The following KAZN variants were observed in gnomAD, a reference collection of about 807,000 sequenced individuals.
The protein encoded by KAZN is kazrin, periplakin interacting protein.
In KAZN, 40 loss-of-function variants were observed where a neutral mutation model predicts 87.4. The observed-to-expected ratio is 0.46, with a 90% CI of 0.36 to 0.60. The LOEUF (loss-of-function observed/expected upper bound fraction) is 0.60. Among genes scored for constraint, KAZN ranks in the 20% least tolerant of loss-of-function variants. The pLI, the probability that KAZN is intolerant of heterozygous loss-of-function variation, is 0.00. For synonymous variants in KAZN, 466 were observed against 458.3 expected (o/e 1.02, Z -0.22); for missense variants, 898 against 1,073.9 (o/e 0.84, Z 2.29).
Position 14,361,901 on chromosome 1 carries a change from G to A in KAZN, c.249+181309G>A, listed in dbSNP as rs376301331. 1.8e-3 allele frequency among the ~76,000 whole-genome samples: 269 copies of A among 152,304 alleles called. 1 individual carries two copies. Among genetic ancestry groups the A allele is most frequent in the Middle Eastern group, 6.8e-3 (2 of 294 alleles). On this transcript the variant is annotated intron_variant, in intron 2 of 16. Transcript: ENST00000636203. ...AGACCCACTGCCATAAGAGCACCTC[G>A]TAGGGTGAAGAAAGGCTTTTTTGAG...
At chr1:14,700,582 T>G (rs1641867270) in intron 1 of KAZN, among the ~76,000 whole-genome samples, 2 of 152,266 alleles carry the variant, frequency 1.3e-5, no homozygotes, top group South Asian at 4.1e-4. Flanking sequence ...ATCAACTGTT[T>G]CCACAGGGAG....
intron 2 of KAZN, among the ~76,000 whole-genome samples, chr1:14,429,035 A>T (rs577088245): frequency 1.3e-5 from 2 of 152,170 alleles, no homozygotes; most frequent in African/African-American, 4.8e-5. Context: ...TTCAGAAAAT[A>T]TCTAAATATC....
chr1:14,856,568 C>T lies in KAZN; in HGVS notation c.227-104116C>T, dbSNP rs143006395. ...GAACACTATGTTCATTAGTATAAAA[C>T]ATTCCATATTTTATTTCTATTTTGG... On this transcript the variant is annotated intron_variant, in intron 1 of 14. Transcript: ENST00000376030. This position sits in a 1 kb window ranked among gnomAD's most constrained non-coding sequence, Gnocchi z 5.2. 1.3e-5 allele frequency among the ~76,000 whole-genome samples: 2 copies of T among 152,176 alleles called. No individual in the cohort carries two copies. Among genetic ancestry groups the T allele is most frequent in the African/African-American group, 4.8e-5 (2 of 41,426 alleles).
At chr1:13,956,277 A>G (rs1157198529) in intron 1 of KAZN, among the ~76,000 whole-genome samples, 11 of 149,922 alleles carry the variant, frequency 7.3e-5, no homozygotes. Context: ...GGATGTCTGT[A>G]GATGTTACTA....
At chr1:15,057,827 C>T (rs1012194162) in intron 5 of KAZN, among the ~76,000 whole-genome samples, 7 of 152,226 alleles carry the variant, frequency 4.6e-5, no homozygotes, top group Non-Finnish European at 1.0e-4. Flanking sequence ...TGAAGGCAGA[C>T]AGGGCTTGGG....
intron 2 of KAZN, among the ~76,000 whole-genome samples, chr1:14,419,395 T>G (rs921934714): frequency 6.6e-6 from 1 of 152,032 alleles, no homozygotes; most frequent in Non-Finnish European, 1.5e-5. Flanking sequence ...GAAGCCACCA[T>G]CCCTCCCAGC....
chr1:14,877,769 A>G (rs1652929965), intron 1 of KAZN, among the ~76,000 whole-genome samples: 1 of 152,178 alleles, frequency 6.6e-6, no homozygotes, highest in Non-Finnish European at 1.5e-5. Flanking sequence ...TCTGCTTAGA[A>G]CGGTACAGTG....
chr1:14,206,118 T>A (rs476430), intron 2 of KAZN, among the ~76,000 whole-genome samples: 70,877 of 151,828 alleles, frequency 0.47, 17,852 homozygotes, highest in Non-Finnish European at 0.57. Flanking sequence ...TCAAGGGAAT[T>A]ATTACAGAAT....
chr1:14,391,058 G>A (rs192901970), intron 2 of KAZN, among the ~76,000 whole-genome samples: 1 of 152,194 alleles, frequency 6.6e-6, no homozygotes, highest in African/African-American at 2.4e-5. Context: ...TGTTAACAGA[G>A]CCACTCTGGC....
chr1:13,999,430 A>C (rs1244643579), intron 1 of KAZN, among the ~76,000 whole-genome samples: 4 of 152,248 alleles, frequency 2.6e-5, no homozygotes, highest in Non-Finnish European at 5.9e-5. Context: ...TTTCATGGAA[A>C]TTGAACAACT....
chr1:14,598,576 C>T (rs1676667761), upstream of KAZN: 5 of 802,852 alleles, frequency 6.2e-6, no homozygotes, highest in Non-Finnish European at 7.7e-6. The surrounding 1 kb of genome is among the most constrained non-coding windows in gnomAD (Gnocchi z 4.2). Flanking sequence ...CTCCGAAGTA[C>T]GGGGGCGCGG....
intron 1 of KAZN, among the ~76,000 whole-genome samples, chr1:14,694,026 G>A (rs1168169476): frequency 6.6e-6 from 1 of 152,172 alleles, no homozygotes; most frequent in Admixed American, 6.5e-5. Context: ...GAAGGAGATG[G>A]GTTATTAATC....
At chr1:14,460,649 C>A (rs1463038162) in intron 2 of KAZN, among the ~76,000 whole-genome samples, 1 of 152,120 alleles carries the variant, frequency 6.6e-6, no homozygotes, top group Non-Finnish European at 1.5e-5. Context: ...TCTGGGATAC[C>A]CCATCATCCC....
At chr1:14,228,818 CATT>C in intron 2 of KAZN, among the ~76,000 whole-genome samples, 1 of 152,226 alleles carries the variant, frequency 6.6e-6, no homozygotes, top group Non-Finnish European at 1.5e-5. Context: ...CGGGCCTACT[CATT>C]CTTGGCCAGC....
intron 1 of KAZN, among the ~76,000 whole-genome samples, chr1:13,918,947 T>C (rs549421804): frequency 9.3e-4 from 142 of 152,302 alleles, no homozygotes; most frequent in Middle Eastern, 6.8e-3. Context: ...TGTTTTTTTT[T>C]CCCCCTTTTT....
chr1:14,379,144 C>T (rs1661157920), intron 2 of KAZN, among the ~76,000 whole-genome samples: 1 of 150,866 alleles, frequency 6.6e-6, no homozygotes, highest in Admixed American at 6.6e-5. Context: ...GGGCCAGAAG[C>T]AGACCAACTG....
chr1:14,658,267 T>G (rs984536756), intron 1 of KAZN, among the ~76,000 whole-genome samples: 1 of 152,170 alleles, frequency 6.6e-6, no homozygotes, highest in Non-Finnish European at 1.5e-5. Flanking sequence ...CAGTGCCTAG[T>G]GAAGATCATA....
chr1:14,597,465 C>T (rs1444684305), upstream of KAZN, among the ~76,000 whole-genome samples: 2 of 152,140 alleles, frequency 1.3e-5, no homozygotes, highest in African/African-American at 4.8e-5. Flanking sequence ...CTGGTTTCTG[C>T]GGGCCCCTTA....
chr1:15,005,601 T>G (rs1005386439), intron 2 of KAZN, among the ~76,000 whole-genome samples: 3 of 151,990 alleles, frequency 2.0e-5, no homozygotes, highest in Non-Finnish European at 4.4e-5. Flanking sequence ...GCCTGGCCAA[T>G]GTGGCAAAAC....
Sources: allele counts gnomAD v4.1 joint callset (sites outside exome capture counted in the v4.1 genomes callset), GRCh38; gene constraint gnomAD v4.1.1; non-coding constraint Gnocchi (gnomAD v3.1); transcripts MANE v1.5; gene names NCBI Gene and HGNC (gene_info 2026-07-23, HGNC 2026-07-21).